The following KSR2 variants were observed in gnomAD, a reference collection of about 807,000 sequenced individuals.
KSR2 encodes the protein kinase suppressor of ras 2.
A neutral mutation model predicts 107.8 loss-of-function variants in KSR2; 25 were observed. The ratio of observed to expected loss-of-function variants is 0.23; its 90% CI spans 0.17 to 0.32. The LOEUF (loss-of-function observed/expected upper bound fraction) is 0.32, where lower values mean the gene tolerates loss of function less well. KSR2 is among the 10% of genes least tolerant of loss of function. The pLI is 1.00. For synonymous variants in KSR2, 480 were observed against 507.0 expected (o/e 0.95, Z 0.71); for missense variants, 887 against 1,268.9 (o/e 0.70, Z 4.57).
chr12:117,646,791 C>T (rs571552728), intron 5 of KSR2, among the ~76,000 whole-genome samples: 2 of 152,274 alleles, frequency 1.3e-5, no homozygotes, highest in South Asian at 2.1e-4. Flanking sequence ...GAGACAGATG[C>T]TCTGACTTCT....
intron 3 of KSR2, among the ~76,000 whole-genome samples, chr12:117,785,875 T>C (rs1890053604): frequency 6.6e-6 from 1 of 152,066 alleles, no homozygotes; most frequent in South Asian, 2.1e-4. Context: ...TGGTGCAGAA[T>C]AAAAACAACA....
chr12:117,748,867 G>T (rs1888509383), intron 4 of KSR2, among the ~76,000 whole-genome samples: 1 of 152,086 alleles, frequency 6.6e-6, no homozygotes, highest in Non-Finnish European at 1.5e-5. Flanking sequence ...AGGATGAGGA[G>T]ATGGAGAGGT....
intron 10 of KSR2, among the ~76,000 whole-genome samples, chr12:117,533,409 G>C (rs1334778640): frequency 6.6e-6 from 1 of 152,208 alleles, no homozygotes; most frequent in African/African-American, 2.4e-5. Flanking sequence ...CTTTATCACA[G>C]ATGAAACAGC....
Position 117,833,877 on chromosome 12 carries a change from G to A in KSR2, c.472+21551C>T, listed in dbSNP as rs1031920011. On this transcript the variant is annotated intron_variant, in intron 3 of 19. Transcript: ENST00000339824. ...TGTCTTAGAACCGGCAACACCTGGC[G>A]GGGCACTTTGGGAGGCCGAGGCAGG... 3.3e-5 allele frequency among the ~76,000 whole-genome samples: 5 copies of A among 151,950 alleles called. No individual in the cohort carries two copies. In the South Asian group the frequency reaches 6.3e-4, roughly 19 times the overall value.
intron 2 of KSR2, 62 bp from the exon 3 acceptor site, chr12:117,855,640 GCCC>G: frequency 1.3e-6 from 2 of 1,538,048 alleles, no homozygotes; most frequent in Admixed American, 1.8e-5. Context: ...CCTCCACGCT[GCCC>G]TGTAGTGGTG....
At chr12:117,683,995 C>G (rs1411324279) in intron 4 of KSR2, among the ~76,000 whole-genome samples, 1 of 152,194 alleles carries the variant, frequency 6.6e-6, no homozygotes, top group Non-Finnish European at 1.5e-5. Flanking sequence ...GGCCCCTGGG[C>G]TAGACAGTAG....
At position 117,496,408 on chromosome 12, in the gene KSR2, A is replaced by G. The variant is rs184598840; in HGVS notation, c.2220-10717T>C. 9.5e-4 allele frequency among the ~76,000 whole-genome samples: 144 copies of G among 152,206 alleles called. 2 individuals are homozygous for G. Among genetic ancestry groups the G allele is most frequent in the Admixed American group, 8.6e-3 (131 of 15,278 alleles). ...ACACCCTGAGACATGCTCTTCCCCA[A>G]TCCTGCATCATATTTTCTCAGCATC... On this transcript the variant is annotated intron_variant, in intron 14 of 19. Coordinates refer to ENST00000339824, the MANE Select transcript of KSR2 (RefSeq NM_173598.6).
chr12:117,662,063 G>A (rs1444319049), intron 5 of KSR2, among the ~76,000 whole-genome samples: 1 of 152,162 alleles, frequency 6.6e-6, no homozygotes, highest in East Asian at 1.9e-4. Context: ...CAGGCAACGT[G>A]GAACCTCCTG....
chr12:117,644,702 C>A (rs937940676), intron 5 of KSR2, among the ~76,000 whole-genome samples: 30 of 152,312 alleles, frequency 2.0e-4, no homozygotes, highest in Non-Finnish European at 3.8e-4. Context: ...TCCTGACACT[C>A]TCTGAAAGTA....
Position 117,464,296 on chromosome 12 carries a change from G to A in KSR2, c.*2903C>T, listed in dbSNP as rs1017293633. 1.3e-5 allele frequency: 2 copies of A among 152,218 alleles called. No homozygotes were observed. Among genetic ancestry groups the A allele is most frequent in the Non-Finnish European group, 2.9e-5 (2 of 68,040 alleles). 9.4% of individuals were successfully genotyped at this position (152,218 alleles called of 1,614,324 possible). ...GTCCCCTCGGGAAGCCCATGTATAT[G>A]ACGGTTTGCTAAAAGCAAGACTGAC... On this transcript the variant is annotated 3_prime_UTR_variant, in exon 20 of 20. Transcript: ENST00000339824.
chr12:117,620,299 G>A (rs1021879613), intron 5 of KSR2, among the ~76,000 whole-genome samples: 7 of 152,118 alleles, frequency 4.6e-5, no homozygotes, highest in Non-Finnish European at 1.0e-4. Flanking sequence ...TAGACCCTGG[G>A]TGGTGAGCAA....
chr12:117,674,658 C>T (rs1245945382), intron 4 of KSR2, among the ~76,000 whole-genome samples: 2 of 152,184 alleles, frequency 1.3e-5, no homozygotes, highest in Non-Finnish European at 2.9e-5. Context: ...TGAGGGTCAT[C>T]CATGTTCTAG....
chr12:117,787,093 T>C (rs1257959634), intron 3 of KSR2, among the ~76,000 whole-genome samples: 2 of 151,996 alleles, frequency 1.3e-5, no homozygotes, highest in African/African-American at 4.8e-5. Flanking sequence ...TCCTAGACCA[T>C]CTCATCTGAA....
intron 14 of KSR2, among the ~76,000 whole-genome samples, chr12:117,503,271 G>A (rs528782986): frequency 6.7e-4 from 102 of 152,282 alleles, no homozygotes; most frequent in African/African-American, 2.4e-3. Flanking sequence ...AGGTCTGGAA[G>A]GGTTAAATTA....
intron 4 of KSR2, among the ~76,000 whole-genome samples, chr12:117,732,953 G>A (rs1458685579): frequency 6.6e-6 from 1 of 152,190 alleles, no homozygotes; most frequent in Non-Finnish European, 1.5e-5. Flanking sequence ...CAGCCGCCAG[G>A]AGCAGATGGC....
chr12:117,814,731 C>T (rs1303172544), intron 3 of KSR2, among the ~76,000 whole-genome samples: 1 of 152,018 alleles, frequency 6.6e-6, no homozygotes, highest in Non-Finnish European at 1.5e-5. Flanking sequence ...CTTGTGCTAA[C>T]CACAGCAGGA....
At chr12:117,801,233 C>T (rs2137020905) in intron 3 of KSR2, among the ~76,000 whole-genome samples, 1 of 152,064 alleles carries the variant, frequency 6.6e-6, no homozygotes, top group Admixed American at 6.5e-5. Context: ...TCTTGTGCCT[C>T]TGCCTCCTGA....
At chr12:117,490,689 C>T (rs967314737) in intron 14 of KSR2, among the ~76,000 whole-genome samples, 1 of 152,106 alleles carries the variant, frequency 6.6e-6, no homozygotes, top group Admixed American at 6.5e-5. Flanking sequence ...AGCCGCTGCA[C>T]CCAGCCTAAA....
At chr12:117,616,291 G>T (rs1341379152) in intron 5 of KSR2, among the ~76,000 whole-genome samples, 1 of 152,034 alleles carries the variant, frequency 6.6e-6, no homozygotes, top group African/African-American at 2.4e-5. Flanking sequence ...AAAAAGATCA[G>T]CAAAAGTCAC....
Sources: allele counts gnomAD v4.1 joint callset (sites outside exome capture counted in the v4.1 genomes callset), GRCh38; gene constraint gnomAD v4.1.1; transcripts MANE v1.5; gene names NCBI Gene and HGNC (gene_info 2026-07-23, HGNC 2026-07-21).